The following KIFAP3 variants were observed in gnomAD, a reference collection of about 807,000 sequenced individuals.
KIFAP3 encodes kinesin-associated protein 3.
KIFAP3 carries 68 observed loss-of-function variants against 106.5 expected under a neutral mutation model. That is an observed-to-expected ratio of 0.64 (90% CI 0.53 to 0.78). The LOEUF is 0.78. Among genes scored for constraint, KIFAP3 ranks in the 30% least tolerant of loss-of-function variants. The pLI, the probability that KIFAP3 is intolerant of heterozygous loss-of-function variation, is 0.00. For missense variants in KIFAP3, 780 were observed against 941.8 expected, an observed-to-expected ratio of 0.83 and a Z score of 2.25; for synonymous variants, 320 against 311.5, an observed-to-expected ratio of 1.03 and a Z score of -0.29.
chr1:169,934,590 A>C (rs1663680942), intron 19 of KIFAP3, among the ~76,000 whole-genome samples: 1 of 152,088 alleles, frequency 6.6e-6, no homozygotes, highest in African/African-American at 2.4e-5. Context: ...CAGGTCATGA[A>C]AACGTTTAGG....
chr1:170,074,301 C>T (rs1671832775), intron 1 of KIFAP3, 135 bp downstream of exon 1: 1 of 1,060,696 alleles, frequency 9.4e-7, no homozygotes, highest in Non-Finnish European at 1.4e-6. Flanking sequence ...TTTCCCTCTC[C>T]TTTCGGTGAC....
chr1:170,057,950 T>A (rs1035197981), intron 1 of KIFAP3, among the ~76,000 whole-genome samples: 1 of 152,164 alleles, frequency 6.6e-6, no homozygotes, highest in African/African-American at 2.4e-5. Context: ...AAAAGTGTGC[T>A]AAATTGACTT....
chr1:169,921,796 A>G lies in KIFAP3; in HGVS notation c.2274-15T>C. 1 of 1,583,856 alleles carries G rather than the reference A, an allele frequency of 6.3e-7. No individual in the cohort carries two copies. Among genetic ancestry groups the G allele is most frequent in the Middle Eastern group, 1.7e-4 (1 of 6,006 alleles). On this transcript the variant is annotated splice_polypyrimidine_tract_variant and intron_variant, in intron 19 of 19. Coordinates refer to ENST00000361580, the MANE Select transcript of KIFAP3 (RefSeq NM_014970.4). The stretch of plus-strand genomic sequence containing the variant: ...CCATTCCAAGGCTAAAAAAGAAAAA[A>G]AAGAATGATAAGCTATGTTTTTCAT...
intron 1 of KIFAP3, among the ~76,000 whole-genome samples, chr1:170,060,435 C>T (rs1437269028): frequency 2.0e-5 from 3 of 152,066 alleles, no homozygotes; most frequent in Non-Finnish European, 4.4e-5. Context: ...AATAAAATAC[C>T]TAGGAATCCA....
At chr1:170,011,876 T>C (rs529100566) in intron 10 of KIFAP3, among the ~76,000 whole-genome samples, 5 of 152,252 alleles carry the variant, frequency 3.3e-5, no homozygotes, top group South Asian at 2.1e-4. Context: ...ATGTAACATA[T>C]ATATTAACAA....
intron 3 of KIFAP3, among the ~76,000 whole-genome samples, chr1:170,045,248 C>T (rs141167334): frequency 1.4e-3 from 219 of 152,064 alleles, no homozygotes; most frequent in African/African-American, 4.1e-3. Flanking sequence ...TCCTCACCTG[C>T]GATAAGTAAA....
At chr1:170,017,112 C>T (rs1668560867) in intron 9 of KIFAP3, among the ~76,000 whole-genome samples, 1 of 152,078 alleles carries the variant, frequency 6.6e-6, no homozygotes, top group Admixed American at 6.6e-5. Flanking sequence ...CAAAACTTAG[C>T]TGGCTGTGGT....
rs970599626 is a variant in KIFAP3 at position 169,966,480 on chromosome 1, A to C, written c.1984-5245T>G. Among the ~76,000 whole-genome samples, 8 of 151,686 alleles carry C rather than the reference A, an allele frequency of 5.3e-5. No individual in the cohort carries two copies. In the South Asian group the frequency reaches 1.0e-3, roughly 20 times the overall value. On this transcript the variant is annotated intron_variant, in intron 17 of 19. Coordinates refer to ENST00000361580, the MANE Select transcript of KIFAP3 (RefSeq NM_014970.4). ...GGAAAATGGCAAAAAAAAAAAAAAA[A>C]AAAACCTTGGCTTAACAGTATGAAA... is the stretch of plus-strand genomic sequence containing the variant.
At chr1:169,969,828 T>G (rs964193776) in intron 17 of KIFAP3, among the ~76,000 whole-genome samples, 1 of 152,020 alleles carries the variant, frequency 6.6e-6, no homozygotes. Flanking sequence ...GAGAATAGTA[T>G]CTCAGTGTTC....
chr1:170,016,136 G>C (rs751698760), intron 10 of KIFAP3, among the ~76,000 whole-genome samples: 1 of 151,838 alleles, frequency 6.6e-6, no homozygotes, highest in African/African-American at 2.4e-5. Context: ...CGATACCTGC[G>C]TTGTTTTTTT....
Position 170,074,532 on chromosome 1 carries a change from G to C in KIFAP3, c.-65C>G. ...GAGAGGCAGGCGCGGTTATTTCCGGGGACGGTGGCCAAAGTACCCTCACAC... is the reference window on the plus strand; with the variant it reads ...GAGAGGCAGGCGCGGTTATTTCCGGCGACGGTGGCCAAAGTACCCTCACAC... On this transcript the variant is annotated 5_prime_UTR_variant, in exon 1 of 20. Transcript: ENST00000361580. 5 of 1,610,068 alleles carry C rather than the reference G, an allele frequency of 3.1e-6. No homozygotes were observed. The South Asian group carries it at 5.5e-5, about 18-fold the overall frequency.
chr1:170,038,062 C>A (rs1345494757), intron 5 of KIFAP3, among the ~76,000 whole-genome samples: 1 of 152,070 alleles, frequency 6.6e-6, no homozygotes. Flanking sequence ...AAAAAAGCTT[C>A]CCAGAGTAGA....
chr1:169,984,706 G>C lies in KIFAP3; in HGVS notation c.1285-16C>G. 1 of 1,411,890 alleles carries C rather than the reference G, an allele frequency of 7.1e-7. No individual in the cohort carries two copies. The highest frequency in any genetic ancestry group is 9.9e-7 in the Non-Finnish European group (1 of 1,006,598). 87.5% of individuals were successfully genotyped at this position (1,411,890 alleles called of 1,614,324 possible). A position where few individuals can be genotyped will look rare whatever the true frequency, so the allele number is the denominator to read the frequency against. ...TCTTCATTAACTAGCAAGAAGCACA[G>C]GGCACATTTTACTCAAGAAACAAAG... On this transcript the variant is annotated splice_polypyrimidine_tract_variant and intron_variant, in intron 11 of 19. Transcript: ENST00000361580.
At chr1:170,080,433 C>G (rs1672002274) in intron 1 of KIFAP3, among the ~76,000 whole-genome samples, 1 of 151,900 alleles carries the variant, frequency 6.6e-6, no homozygotes, top group Non-Finnish European at 1.5e-5. Context: ...TATGAAAATG[C>G]AAAGGACCTC....
intron 9 of KIFAP3, among the ~76,000 whole-genome samples, chr1:170,022,544 T>G (rs1668899447): frequency 6.6e-6 from 1 of 152,280 alleles, no homozygotes; most frequent in Admixed American, 6.5e-5. Flanking sequence ...ATGTCTCTGG[T>G]CCTCTCCTAC....
chr1:169,992,681 A>C (rs1312225692), intron 10 of KIFAP3, among the ~76,000 whole-genome samples: 2 of 152,144 alleles, frequency 1.3e-5, no homozygotes, highest in Non-Finnish European at 2.9e-5. Flanking sequence ...TATCATCCAA[A>C]TGATGAAAGA....
At chr1:169,981,522 T>A (rs904746329) in intron 15 of KIFAP3, among the ~76,000 whole-genome samples, 12 of 152,206 alleles carry the variant, frequency 7.9e-5, no homozygotes, top group Non-Finnish European at 1.3e-4. Context: ...TTTTTCTGTT[T>A]TATTATTAAT....
chr1:170,079,240 A>C (rs1393321858), upstream of KIFAP3, among the ~76,000 whole-genome samples: 1 of 152,044 alleles, frequency 6.6e-6, no homozygotes, highest in Non-Finnish European at 1.5e-5. Flanking sequence ...CTTGCCTCCT[A>C]TCTTGCCATG....
Position 169,987,918 on chromosome 1 carries a change from A to G in KIFAP3, c.1285-3228T>C, listed in dbSNP as rs552810207. Among the ~76,000 whole-genome samples, 32 of 152,254 alleles carry G rather than the reference A, an allele frequency of 2.1e-4. No individual in the cohort carries two copies. The South Asian group carries it at 2.5e-3, about 12-fold the overall frequency. On this transcript the variant is annotated intron_variant, in intron 11 of 19. Coordinates refer to ENST00000361580, the MANE Select transcript of KIFAP3 (RefSeq NM_014970.4). ...CTGTTAATGTGTACTTTTAACTATT[A>G]TTAGAATACAACCATTAACTCCCGC... is the stretch of plus-strand genomic sequence containing the variant.
Sources: allele counts gnomAD v4.1 joint callset (sites outside exome capture counted in the v4.1 genomes callset), GRCh38; gene constraint gnomAD v4.1.1; transcripts MANE v1.5; gene names NCBI Gene and HGNC (gene_info 2026-07-23, HGNC 2026-07-21).